The following CFAP299 variants were observed in gnomAD, a reference collection of about 807,000 sequenced individuals.
CFAP299 encodes cilia- and flagella-associated protein 299.
A neutral mutation model predicts 27.0 loss-of-function variants in CFAP299; 21 were observed. The observed-to-expected ratio is 0.78, with a 90% CI of 0.55 to 1.12. The LOEUF (loss-of-function observed/expected upper bound fraction) is 1.12, where lower values mean the gene tolerates loss of function less well. CFAP299 is among the 50% of genes most tolerant of loss of function. CFAP299 has a pLI of 0.00. For missense variants in CFAP299, 310 were observed against 276.6 expected (o/e 1.12, Z -0.86); for synonymous variants, 104 against 98.1 (o/e 1.06, Z -0.36).
Position 80,388,574 on chromosome 4 carries a change from T to G in CFAP299, c.242+25690T>G. The G allele has an allele frequency of 1.0e-5, 15 of 1,429,062 alleles. No homozygotes were observed. In the South Asian group the frequency reaches 1.7e-4, roughly 16 times the overall value. The allele number at this position is 1,429,062 out of a possible 1,614,324, so 88.5% of individuals were successfully genotyped here. A position where few individuals can be genotyped will look rare whatever the true frequency, so the allele number is the denominator to read the frequency against. ...CCCACAGAGAAAGACATCCTCATCA[T>G]CCAATGGCTGGATAGCAGGGGACGC... is the stretch of plus-strand genomic sequence containing the variant. On this transcript the variant is annotated intron_variant, in intron 2 of 5. Transcript: ENST00000358105.
chr4:80,910,660 T>C (rs115546051), intron 4 of CFAP299, among the ~76,000 whole-genome samples: 362 of 152,060 alleles, frequency 2.4e-3, no homozygotes, highest in Non-Finnish European at 4.1e-3. Context: ...CAATAGGCAC[T>C]AGGGGCTACC....
chr4:80,564,989 C>G (rs1735211335), intron 2 of CFAP299, among the ~76,000 whole-genome samples: 1 of 152,072 alleles, frequency 6.6e-6, no homozygotes, highest in Non-Finnish European at 1.5e-5. Context: ...CTATGAAACA[C>G]TGATTGTTGA....
At chr4:80,366,737 G>A (rs914254854) in intron 2 of CFAP299, among the ~76,000 whole-genome samples, 5 of 152,128 alleles carry the variant, frequency 3.3e-5, no homozygotes, top group Non-Finnish European at 7.3e-5. Context: ...AAAAACCTAA[G>A]TCCACTTAAA....
At chr4:80,630,470 G>A (rs1739149762) in intron 3 of CFAP299, among the ~76,000 whole-genome samples, 2 of 151,874 alleles carry the variant, frequency 1.3e-5, no homozygotes, top group Admixed American at 1.3e-4. Flanking sequence ...AAAGTTCTGG[G>A]TTATTAGAGT....
At chr4:80,523,376 CT>C (rs914160861) in intron 2 of CFAP299, among the ~76,000 whole-genome samples, 2 of 152,138 alleles carry the variant, frequency 1.3e-5, no homozygotes, top group East Asian at 3.9e-4. Context: ...TGATCATAAA[CT>C]TTTTTTACTA....
At chr4:80,662,531 T>G (rs1203654552) in intron 3 of CFAP299, among the ~76,000 whole-genome samples, 1 of 152,180 alleles carries the variant, frequency 6.6e-6, no homozygotes, top group African/African-American at 2.4e-5. Flanking sequence ...AATAATGATC[T>G]GAATACAGCA....
intron 3 of CFAP299, among the ~76,000 whole-genome samples, chr4:80,778,959 C>A (rs934145926): frequency 2.6e-5 from 4 of 152,026 alleles, no homozygotes; most frequent in Non-Finnish European, 2.9e-5. Flanking sequence ...TTTGTAGATA[C>A]TGTCTTAAAC....
intron 4 of CFAP299, chr4:80,871,783 G>T: frequency 1.2e-5 from 4 of 336,290 alleles, no homozygotes; most frequent in Non-Finnish European, 1.7e-5. Flanking sequence ...AAACATCTTG[G>T]CATTATCATA....
chr4:80,732,424 T>G (rs900013500), intron 3 of CFAP299, among the ~76,000 whole-genome samples: 2 of 152,196 alleles, frequency 1.3e-5, no homozygotes, highest in Non-Finnish European at 2.9e-5. Context: ...TAGTGCTGTC[T>G]CATACAAGGG....
At chr4:80,880,586 TGTG>T (rs1436462981) in intron 4 of CFAP299, among the ~76,000 whole-genome samples, 1 of 151,636 alleles carries the variant, frequency 6.6e-6, no homozygotes, top group African/African-American at 2.4e-5. Flanking sequence ...ATTAGCCAGA[TGTG>T]GTGGTGGGTG....
chr4:80,662,881 G>A (rs1740935694), intron 3 of CFAP299, among the ~76,000 whole-genome samples: 1 of 152,016 alleles, frequency 6.6e-6, no homozygotes, highest in Admixed American at 6.6e-5. Context: ...TGAGCCTTAT[G>A]GGCAGACCAA....
At chr4:80,738,592 A>T (rs141729927) in intron 3 of CFAP299, among the ~76,000 whole-genome samples, 2 of 150,002 alleles carry the variant, frequency 1.3e-5, no homozygotes, top group Non-Finnish European at 3.0e-5. Flanking sequence ...ATATTTTTTT[A>T]GATCCCTTGT....
At chr4:80,956,624 T>C (rs1247891794) in intron 5 of CFAP299, among the ~76,000 whole-genome samples, 3 of 141,304 alleles carry the variant, frequency 2.1e-5, no homozygotes, top group African/African-American at 7.7e-5. Context: ...TAAGATTTTC[T>C]TTTTTTTTTT....
chr4:80,347,202 A>G (rs1722773687), intron 1 of CFAP299, among the ~76,000 whole-genome samples: 1 of 152,150 alleles, frequency 6.6e-6, no homozygotes, highest in South Asian at 2.1e-4. Context: ...CTAAATATAC[A>G]ATCATGTCAT....
intron 3 of CFAP299, among the ~76,000 whole-genome samples, chr4:80,760,722 GA>G: frequency 6.6e-6 from 1 of 152,022 alleles, no homozygotes; most frequent in Non-Finnish European, 1.5e-5. Flanking sequence ...ATTTTTTCAA[GA>G]ACACAAATAT....
chr4:80,414,541 C>T (rs1726905706), intron 2 of CFAP299, among the ~76,000 whole-genome samples: 1 of 152,156 alleles, frequency 6.6e-6, no homozygotes, highest in Non-Finnish European at 1.5e-5. Context: ...TAAAATGAAG[C>T]ACAATAATTA....
At chr4:80,690,920 T>A (rs138690243) in intron 3 of CFAP299, among the ~76,000 whole-genome samples, 5 of 144,496 alleles carry the variant, frequency 3.5e-5, no homozygotes, top group African/African-American at 1.3e-4. Flanking sequence ...AACACCTCTA[T>A]GCAAATAAAC....
chr4:80,505,303 GTTCTT>G (rs1463992471), intron 2 of CFAP299, among the ~76,000 whole-genome samples: 1 of 151,936 alleles, frequency 6.6e-6, no homozygotes, highest in Non-Finnish European at 1.5e-5. Context: ...ATTAAATCCA[GTTCTT>G]TTCTGAAAAA....
chr4:80,918,492 C>T (rs1031195157), intron 4 of CFAP299, among the ~76,000 whole-genome samples: 2 of 151,896 alleles, frequency 1.3e-5, no homozygotes, highest in Non-Finnish European at 2.9e-5. Context: ...GTTCATGTGG[C>T]AGTTAGGTAG....
Sources: allele counts gnomAD v4.1 joint callset (sites outside exome capture counted in the v4.1 genomes callset), GRCh38; gene constraint gnomAD v4.1.1; transcripts MANE v1.5; gene names NCBI Gene and HGNC (gene_info 2026-07-23, HGNC 2026-07-21).